RPS6KA2: variants seen among roughly 807,000 people sequenced by gnomAD.
RPS6KA2 encodes ribosomal protein S6 kinase A2, also known as ribosomal protein S6 kinase alpha-2.
RPS6KA2 carries 42 observed loss-of-function variants against 91.8 expected under a neutral mutation model. That is an observed-to-expected ratio of 0.46 (90% CI 0.36 to 0.59). The LOEUF (loss-of-function observed/expected upper bound fraction) is 0.59, where lower values mean the gene tolerates loss of function less well. Among genes scored for constraint, RPS6KA2 ranks in the 20% least tolerant of loss-of-function variants. The pLI is 0.00. For synonymous variants in RPS6KA2, 414 were observed against 393.6 expected, an observed-to-expected ratio of 1.05 and a Z score of -0.61; for missense variants, 798 against 978.5, an observed-to-expected ratio of 0.82 and a Z score of 2.46.
chr6:166,724,432 A>G (rs1293531615), intron 2 of RPS6KA2, among the ~76,000 whole-genome samples: 1 of 148,168 alleles, frequency 6.7e-6, no homozygotes, highest in Non-Finnish European at 1.5e-5. Flanking sequence ...CATATTGAAA[A>G]CTGATATTAA....
intron 1 of RPS6KA2, among the ~76,000 whole-genome samples, chr6:166,550,642 G>A (rs1324029964): frequency 6.6e-6 from 1 of 152,140 alleles, no homozygotes; most frequent in Admixed American, 6.5e-5. Context: ...TTTCCTGGGA[G>A]GTGGGTGTCT....
intron 2 of RPS6KA2, among the ~76,000 whole-genome samples, chr6:166,694,274 G>A (rs1789296134): frequency 6.6e-6 from 1 of 152,166 alleles, no homozygotes; most frequent in Non-Finnish European, 1.5e-5. Context: ...CACTCACCTG[G>A]GCCACAGAGG....
rs1196744501 is a variant in RPS6KA2, at chr6:166,765,417, G to A, written c.123+92783C>T. ...CCCCCGCACCTGCTCCCACCTCCAA[G>A]ATCCCTGCTGCCCGCTTAGTGTGGG... On this transcript the variant is annotated intron_variant, in intron 2 of 21. Coordinates refer to the RPS6KA2 transcript ENST00000503859. Among the ~76,000 whole-genome samples, 6 of 152,198 alleles carry A rather than the reference G, an allele frequency of 3.9e-5. No individual in the cohort carries two copies. The East Asian group carries it at 1.2e-3, about 29-fold the overall frequency.
At position 166,526,341 on chromosome 6, in the gene RPS6KA2, C is replaced by CTTT. The variant is rs10616497; in HGVS notation, c.298+4888_298+4890dup. Among the ~76,000 whole-genome samples, 201 of 101,852 alleles carry CTTT rather than the reference C, an allele frequency of 2.0e-3. 1 individual carries two copies. Among genetic ancestry groups the CTTT allele is most frequent in the Non-Finnish European group, 2.2e-3 (115 of 52,500 alleles). The allele number at this position is 101,852 out of a possible 152,430, so 66.8% of individuals were successfully genotyped here. A position where few individuals can be genotyped will look rare whatever the true frequency, so the allele number is the denominator to read the frequency against. ...TTTCTATTCTTCTATGTTTATATGGCTTTTTTTTTTTTTTTTTTTTTTTGG... is the reference window on the plus strand; with the variant it reads ...TTTCTATTCTTCTATGTTTATATGGCTTTTTTTTTTTTTTTTTTTTTTTTTTGG... On this transcript the variant is annotated intron_variant, in intron 3 of 20. Transcript: ENST00000265678.
rs574135726 is a variant in RPS6KA2, at chr6:166,744,807, T to A, written c.123+113393A>T. Among the ~76,000 whole-genome samples the A allele has an allele frequency of 1.2e-4, 18 of 152,272 alleles. No individual in the cohort carries two copies. The East Asian group carries it at 3.5e-3, about 30-fold the overall frequency. On this transcript the variant is annotated intron_variant, in intron 2 of 21. Transcript: ENST00000503859. The stretch of plus-strand genomic sequence containing the variant: ...TCGCGAGCCTGCACCTGACTCCAGT[T>A]GAAGACACTAGAGGGAGCACCCTCA...
chr6:166,537,143 C>G (rs745884515), intron 2 of RPS6KA2, among the ~76,000 whole-genome samples: 1 of 152,246 alleles, frequency 6.6e-6, no homozygotes, highest in Non-Finnish European at 1.5e-5. Flanking sequence ...TGTATTCCAG[C>G]GCTCCTTCCC....
rs775555672 is a variant in RPS6KA2 at position 166,490,775 on chromosome 6, C to T, written c.748-34G>A. The T allele has an allele frequency of 4.5e-5, 69 of 1,548,484 alleles. No individual in the cohort carries two copies. The Admixed American group carries it at 8.2e-4, about 18-fold the overall frequency. On this transcript the variant is annotated intron_variant, in intron 8 of 20. Transcript: ENST00000265678. This position sits in a 1 kb window ranked among gnomAD's most constrained non-coding sequence, Gnocchi z 4.2. ...CAACACAGAGCACAGTGAGTTCATT[C>T]ATCCAGATGGACCCGGCTTCACGGC...
rs1347612534 is a variant in RPS6KA2, at chr6:166,480,477, T to TATATATATATATATATA, written c.907+8355_907+8356insTATATATATATATATAT. ...AATCTTATATTCCTTAAGATTGTGA[T>TATATATATATATATATA]TTTATATATATATATATATATATAT... On this transcript the variant is annotated intron_variant, in intron 10 of 20. Coordinates refer to ENST00000265678, the MANE Select transcript of RPS6KA2 (RefSeq NM_021135.6). Among the ~76,000 whole-genome samples, 47 of 43,872 alleles carry TATATATATATATATATA rather than the reference T, an allele frequency of 1.1e-3. 2 individuals carry two copies. Among genetic ancestry groups the TATATATATATATATATA allele is most frequent in the Admixed American group, 3.1e-3 (10 of 3,256 alleles). 28.8% of individuals were successfully genotyped at this position (43,872 alleles called of 152,430 possible). A position where few individuals can be genotyped will look rare whatever the true frequency, so the allele number is the denominator to read the frequency against.
intron 2 of RPS6KA2, among the ~76,000 whole-genome samples, chr6:166,745,361 A>G (rs1448165213): frequency 1.3e-5 from 2 of 152,184 alleles, no homozygotes; most frequent in East Asian, 1.9e-4. Flanking sequence ...CATGTTGGTC[A>G]AGCTGGTCTC....
chr6:166,849,595 C>A lies in RPS6KA2; in HGVS notation c.123+8605G>T, dbSNP rs113736536. Among the ~76,000 whole-genome samples the A allele has an allele frequency of 6.6e-6, 1 of 152,146 alleles. No individual in the cohort carries two copies. The highest frequency in any genetic ancestry group is 1.5e-5 in the Non-Finnish European group (1 of 68,034). Reference sequence around the variant, plus strand: ...CCCCCGCCCGTGGAAATCCATGAGACCGTTCATCGTTTCAAGAAGGACATT... The same window carrying A: ...CCCCCGCCCGTGGAAATCCATGAGAACGTTCATCGTTTCAAGAAGGACATT... On this transcript the variant is annotated intron_variant, in intron 2 of 21. Coordinates refer to the RPS6KA2 transcript ENST00000503859. The surrounding 1 kb of genome is among the most constrained non-coding windows in gnomAD (Gnocchi z 4.9).
intron 2 of RPS6KA2, among the ~76,000 whole-genome samples, chr6:166,699,321 T>C (rs1435116821): frequency 1.3e-5 from 2 of 152,054 alleles, no homozygotes; most frequent in Non-Finnish European, 2.9e-5. Context: ...AGATCCTAGT[T>C]AAGGAAAGCA....
At chr6:166,716,908 AG>A (rs199629031) in intron 2 of RPS6KA2, among the ~76,000 whole-genome samples, 1 of 147,236 alleles carries the variant, frequency 6.8e-6, no homozygotes, top group Non-Finnish European at 1.5e-5. Flanking sequence ...TGCAAAAAAA[AG>A]GTTTTGCGAC....
At chr6:166,806,912 G>A (rs1180219611) in intron 2 of RPS6KA2, among the ~76,000 whole-genome samples, 1 of 152,130 alleles carries the variant, frequency 6.6e-6, no homozygotes, top group Non-Finnish European at 1.5e-5. Flanking sequence ...ATTGTTGTAT[G>A]CTATTAATGT....
chr6:166,838,379 G>A (rs1780374210), intron 2 of RPS6KA2, among the ~76,000 whole-genome samples: 1 of 152,160 alleles, frequency 6.6e-6, no homozygotes, highest in East Asian at 1.9e-4. Flanking sequence ...TGCTTATGGA[G>A]GAAAATGTAT....
At chr6:166,538,992 G>A (rs1229269155) in intron 1 of RPS6KA2, among the ~76,000 whole-genome samples, 1 of 151,992 alleles carries the variant, frequency 6.6e-6, no homozygotes, top group East Asian at 1.9e-4. Flanking sequence ...CTGGAGTGCA[G>A]TGGCTGGATC....
chr6:166,824,832 T>C (rs1780008162), intron 2 of RPS6KA2, among the ~76,000 whole-genome samples: 1 of 151,824 alleles, frequency 6.6e-6, no homozygotes, highest in Non-Finnish European at 1.5e-5. Context: ...TGTCTGTGTG[T>C]GTGTGTATGC....
intron 14 of RPS6KA2, among the ~76,000 whole-genome samples, chr6:166,447,091 G>C (rs1779705236): frequency 6.6e-6 from 1 of 152,172 alleles, no homozygotes; most frequent in Non-Finnish European, 1.5e-5. Context: ...CAATGGGATG[G>C]AGGAGCAGGA....
chr6:166,859,326 T>C (rs1370973189), intron 1 of RPS6KA2, among the ~76,000 whole-genome samples: 2 of 152,236 alleles, frequency 1.3e-5, no homozygotes, highest in African/African-American at 4.8e-5. Flanking sequence ...GGCTGGCTTA[T>C]GGACTTGCCT....
chr6:166,526,269 G>T (rs1783027056), intron 3 of RPS6KA2, among the ~76,000 whole-genome samples: 1 of 150,756 alleles, frequency 6.6e-6, no homozygotes, highest in African/African-American at 2.4e-5. Context: ...GTAAAACAAT[G>T]ATTAGTTTTA....
Sources: gnomAD v4.1 joint callset for allele counts (sites outside exome capture counted in the v4.1 genomes callset) on GRCh38, gnomAD v4.1.1 for gene constraint, Gnocchi (gnomAD v3.1) non-coding constraint, MANE v1.5 for transcripts, NCBI Gene and HGNC (gene_info 2026-07-23, HGNC 2026-07-21) for gene names.